Variants in SLC35F1 observed in about 807,000 individuals in gnomAD.
The protein encoded by SLC35F1 is chromosome 6 open reading frame 169.
In SLC35F1, 14 loss-of-function variants were observed where a neutral mutation model predicts 48.7. The ratio of observed to expected loss-of-function variants is 0.29; its 90% CI spans 0.19 to 0.45. The LOEUF (loss-of-function observed/expected upper bound fraction) is 0.45, where lower values mean the gene tolerates loss of function less well. Ranked by LOEUF, SLC35F1 falls within the 20% of genes least tolerant of loss-of-function variation. SLC35F1 has a pLI of 1.00. For synonymous variants in SLC35F1, 190 were observed against 202.2 expected (o/e 0.94, Z 0.51); for missense variants, 404 against 500.0 (o/e 0.81, Z 1.83).
At chr6:118,283,623 T>C (rs1228980962) in intron 6 of SLC35F1, among the ~76,000 whole-genome samples, 2 of 152,194 alleles carry the variant, frequency 1.3e-5, no homozygotes. Flanking sequence ...CTAGATTGTG[T>C]TCCGATCAAG....
At chr6:118,093,137 GA>G (rs1281192624) in intron 1 of SLC35F1, among the ~76,000 whole-genome samples, 1 of 152,088 alleles carries the variant, frequency 6.6e-6, no homozygotes, top group East Asian at 1.9e-4. Context: ...CCAATGTGGT[GA>G]AACCCCATCT....
At chr6:117,974,119 C>T (rs1180796806) in intron 1 of SLC35F1, among the ~76,000 whole-genome samples, 1 of 152,170 alleles carries the variant, frequency 6.6e-6, no homozygotes, top group Non-Finnish European at 1.5e-5. Flanking sequence ...CTCTATGCCC[C>T]AGTTTCCTCA....
At chr6:117,955,470 A>G (rs541281795) in intron 1 of SLC35F1, among the ~76,000 whole-genome samples, 6 of 152,312 alleles carry the variant, frequency 3.9e-5, no homozygotes, top group Non-Finnish European at 5.9e-5. Context: ...TGCTTTGCAT[A>G]AGCTAGAAGA....
intron 1 of SLC35F1, among the ~76,000 whole-genome samples, chr6:118,125,254 G>A (rs985733496): frequency 6.6e-6 from 1 of 152,012 alleles, no homozygotes; most frequent in African/African-American, 2.4e-5. Flanking sequence ...AAAATCTATT[G>A]TTACAGTAGT....
At position 118,013,987 on chromosome 6, in the gene SLC35F1, A is replaced by G. The variant is rs551980321; in HGVS notation, c.173+106088A>G. ...AGATAGTTTACAGTCGTGGCTTATT[A>G]GAAAAAATACAGAATAATCTAAGTC... On this transcript the variant is annotated intron_variant, in intron 1 of 7. Transcript: ENST00000360388. 2.6e-5 allele frequency among the ~76,000 whole-genome samples: 4 copies of G among 152,332 alleles called. No homozygotes were observed. The South Asian group carries it at 8.3e-4, about 32-fold the overall frequency.
At chr6:118,199,944 A>G (rs1271365338) in intron 2 of SLC35F1, among the ~76,000 whole-genome samples, 1 of 152,202 alleles carries the variant, frequency 6.6e-6, no homozygotes, top group Admixed American at 6.5e-5. Flanking sequence ...TTTGACAACT[A>G]AATCTTTTTA....
intron 3 of SLC35F1, among the ~76,000 whole-genome samples, chr6:118,238,543 T>G (rs1485029810): frequency 6.6e-6 from 1 of 152,096 alleles, no homozygotes. Flanking sequence ...AATAATGTCA[T>G]CAGGGACTCA....
At chr6:118,134,106 T>A (rs903398081) in intron 1 of SLC35F1, among the ~76,000 whole-genome samples, 4 of 152,210 alleles carry the variant, frequency 2.6e-5, no homozygotes, top group African/African-American at 9.6e-5. Flanking sequence ...AATCTGAAGT[T>A]AATAAAGATA....
chr6:118,129,172 A>T lies in SLC35F1; in HGVS notation c.174-25273A>T, dbSNP rs533421066. On this transcript the variant is annotated intron_variant, in intron 1 of 7. Coordinates refer to ENST00000360388, the MANE Select transcript of SLC35F1 (RefSeq NM_001029858.4). ...AAATAAGTAAGCAAATGAATCAATC[A>T]AGTAATTATGGATTGAGATTGGGCC... Among the ~76,000 whole-genome samples, 3 of 152,336 alleles carry T rather than the reference A, an allele frequency of 2.0e-5. No homozygotes were observed. The South Asian group carries it at 6.2e-4, about 32-fold the overall frequency.
intron 3 of SLC35F1, among the ~76,000 whole-genome samples, chr6:118,243,673 A>G (rs1290459215): frequency 6.6e-6 from 1 of 152,228 alleles, no homozygotes; most frequent in South Asian, 2.1e-4. Context: ...GATGACAGAA[A>G]GTCACTAAGC....
chr6:118,307,861 C>A (rs1046000252), intron 7 of SLC35F1, among the ~76,000 whole-genome samples: 1 of 152,190 alleles, frequency 6.6e-6, no homozygotes, highest in African/African-American at 2.4e-5. Context: ...AACATCCTTT[C>A]GTCCTGCACC....
intron 1 of SLC35F1, among the ~76,000 whole-genome samples, chr6:118,070,025 A>C (rs965574475): frequency 6.7e-6 from 1 of 150,150 alleles, no homozygotes; most frequent in East Asian, 2.0e-4. Context: ...AGTCCCAGCT[A>C]CTCGGGAGGC....
chr6:118,150,588 G>C (rs1368638978), intron 1 of SLC35F1, among the ~76,000 whole-genome samples: 3 of 151,974 alleles, frequency 2.0e-5, no homozygotes, highest in African/African-American at 7.3e-5. Context: ...CACCCTTCTT[G>C]TCCCAAAGAG....
intron 7 of SLC35F1, among the ~76,000 whole-genome samples, chr6:118,299,265 A>G (rs989197633): frequency 6.6e-6 from 1 of 152,204 alleles, no homozygotes; most frequent in Non-Finnish European, 1.5e-5. Flanking sequence ...ATTTGTGTCC[A>G]TAGAGACAAA....
At chr6:118,266,440 C>T (rs934296988) in intron 3 of SLC35F1, among the ~76,000 whole-genome samples, 3 of 151,888 alleles carry the variant, frequency 2.0e-5, no homozygotes, top group Admixed American at 2.0e-4. Flanking sequence ...ATTTAGAGCA[C>T]TTTTTTATTT....
rs564774985 is a variant in SLC35F1, at chr6:118,217,597, A to C, written c.350-17912A>C. ...TTTACTTAATGTCCCTGAACTGTGC[A>C]CTTAAAAATAGTTAGATGGTAAATG... On this transcript the variant is annotated intron_variant, in intron 2 of 7. Transcript: ENST00000360388. Among the ~76,000 whole-genome samples, 32 of 152,306 alleles carry C rather than the reference A, an allele frequency of 2.1e-4. No individual in the cohort carries two copies. The South Asian group carries it at 2.7e-3, about 13-fold the overall frequency.
chr6:117,956,028 C>T (rs1446215431), intron 1 of SLC35F1, among the ~76,000 whole-genome samples: 1 of 152,232 alleles, frequency 6.6e-6, no homozygotes, highest in Non-Finnish European at 1.5e-5. Flanking sequence ...TAGCTGTGCT[C>T]TGGCTCATGG....
intron 7 of SLC35F1, among the ~76,000 whole-genome samples, chr6:118,286,766 A>G (rs1364570765): frequency 6.8e-6 from 1 of 147,748 alleles, no homozygotes; most frequent in Non-Finnish European, 1.5e-5. Context: ...TCACATAGTT[A>G]CCTTTTTTCT....
At chr6:118,249,805 C>A (rs371716208) in intron 3 of SLC35F1, among the ~76,000 whole-genome samples, 1 of 152,118 alleles carries the variant, frequency 6.6e-6, no homozygotes, top group Non-Finnish European at 1.5e-5. Flanking sequence ...AATTCAAGAG[C>A]CTTTGAACAG....
Sources: allele counts gnomAD v4.1 joint callset (sites outside exome capture counted in the v4.1 genomes callset), GRCh38; gene constraint gnomAD v4.1.1; transcripts MANE v1.5; gene names NCBI Gene and HGNC (gene_info 2026-07-23, HGNC 2026-07-21).